The following CADM2 variants were observed in gnomAD, a reference collection of about 807,000 sequenced individuals.
CADM2 encodes cell adhesion molecule 2, also known as immunoglobulin superfamily member 4D.
CADM2 carries 12 observed loss-of-function variants against 49.8 expected under a neutral mutation model. The ratio of observed to expected loss-of-function variants is 0.24; its 90% confidence interval spans 0.15 to 0.39. CADM2 has a LOEUF of 0.39. CADM2 is among the 10% of genes least tolerant of loss of function. The pLI, the probability that CADM2 is intolerant of heterozygous loss-of-function variation, is 1.00. For synonymous variants in CADM2, 214 were observed against 175.4 expected (o/e 1.22, Z -1.74); for missense variants, 378 against 492.3 (o/e 0.77, Z 2.20).
chr3:85,084,092 C>T (rs1167731868), intron 1 of CADM2, among the ~76,000 whole-genome samples: 1 of 152,124 alleles, frequency 6.6e-6, no homozygotes, highest in African/African-American at 2.4e-5. Flanking sequence ...TGAAAGGCAT[C>T]GCTCCTTCTG....
At chr3:85,436,445 T>C (rs1015417198) in intron 1 of CADM2, among the ~76,000 whole-genome samples, 1 of 151,918 alleles carries the variant, frequency 6.6e-6, no homozygotes, top group Admixed American at 6.6e-5. Flanking sequence ...CCTGAAATAC[T>C]CTGTTGAATA....
intron 1 of CADM2, among the ~76,000 whole-genome samples, chr3:85,447,741 T>C (rs1373100914): frequency 2.0e-5 from 3 of 152,192 alleles, no homozygotes; most frequent in African/African-American, 7.2e-5. Flanking sequence ...GAAACATTTC[T>C]GATTCAGAAG....
At chr3:85,329,388 C>CACAT (rs2044847317) in intron 1 of CADM2, among the ~76,000 whole-genome samples, 2 of 133,522 alleles carry the variant, frequency 1.5e-5, no homozygotes, top group African/African-American at 6.7e-5. Flanking sequence ...CATACACACA[C>CACAT]ACAGACACAC....
chr3:86,059,744 C>T (rs1738393954), intron 8 of CADM2, among the ~76,000 whole-genome samples: 1 of 152,056 alleles, frequency 6.6e-6, no homozygotes, highest in African/African-American at 2.4e-5. Context: ...GAGAAATTGC[C>T]ATTGAAATTT....
chr3:85,288,784 G>GGCC (rs2043698717), intron 1 of CADM2, among the ~76,000 whole-genome samples: 2 of 88,200 alleles, frequency 2.3e-5, no homozygotes, highest in South Asian at 4.1e-4. Context: ...TTACCAATAT[G>GGCC]CCCCCCCCCC....
At chr3:85,692,478 G>C (rs1057361395) in intron 1 of CADM2, among the ~76,000 whole-genome samples, 1 of 152,196 alleles carries the variant, frequency 6.6e-6, no homozygotes, top group Non-Finnish European at 1.5e-5. Flanking sequence ...GTGTCATGTA[G>C]CTAGGTGAAG....
chr3:85,332,183 G>C (rs774078663), intron 1 of CADM2, among the ~76,000 whole-genome samples: 41 of 152,066 alleles, frequency 2.7e-4, no homozygotes, highest in Non-Finnish European at 5.1e-4. Context: ...TGCTTTCTCA[G>C]AAAATAATAA....
intron 1 of CADM2, among the ~76,000 whole-genome samples, chr3:85,681,306 C>T (rs2107657374): frequency 6.6e-6 from 1 of 152,174 alleles, no homozygotes; most frequent in East Asian, 1.9e-4. Context: ...ATTAGGCATG[C>T]TGATTACATT....
At chr3:85,126,105 A>T in intron 1 of CADM2, among the ~76,000 whole-genome samples, 1 of 152,194 alleles carries the variant, frequency 6.6e-6, no homozygotes, top group East Asian at 1.9e-4. Context: ...TTTGAGCAGC[A>T]TTTAATACTG....
At chr3:85,893,791 A>G (rs557074182) in intron 5 of CADM2, among the ~76,000 whole-genome samples, 1 of 152,308 alleles carries the variant, frequency 6.6e-6, no homozygotes, top group South Asian at 2.1e-4. Context: ...TCAAAACCAC[A>G]ATGAGATACC....
At chr3:85,877,684 G>GTTTTTTTTTTTTTTTTTTTTGT (rs368101272) in intron 3 of CADM2, among the ~76,000 whole-genome samples, 10 of 112,024 alleles carry the variant, frequency 8.9e-5, no homozygotes, top group Non-Finnish European at 1.6e-4. Context: ...TTTTTCTTCT[G>GTTTTTTTTTTTTTTTTTTTTGT]TTTTTTTTTT....
intron 3 of CADM2, among the ~76,000 whole-genome samples, chr3:85,858,644 T>A (rs1423386658): frequency 1.3e-5 from 2 of 152,224 alleles, no homozygotes; most frequent in Admixed American, 1.3e-4. Flanking sequence ...ACTACTCCTC[T>A]ATTACCTGAA....
chr3:85,296,044 C>T (rs574469286), intron 1 of CADM2, among the ~76,000 whole-genome samples: 195 of 151,948 alleles, frequency 1.3e-3, no homozygotes, highest in African/African-American at 4.2e-3. Flanking sequence ...AGTATGAAAT[C>T]TTGTATAAAT....
chr3:85,705,652 T>G (rs760335303), intron 1 of CADM2, among the ~76,000 whole-genome samples: 2 of 152,226 alleles, frequency 1.3e-5, no homozygotes, highest in Non-Finnish European at 2.9e-5. Flanking sequence ...TCATTATGTA[T>G]TTTCCTGAAC....
intron 1 of CADM2, among the ~76,000 whole-genome samples, chr3:85,245,279 G>A (rs112928132): frequency 0.066 from 10,080 of 152,148 alleles, 1,103 homozygotes; most frequent in African/African-American, 0.23. Flanking sequence ...TTGGGAGGCC[G>A]AGGCGGGCGG....
chr3:85,757,675 A>C (rs972145391), intron 2 of CADM2, among the ~76,000 whole-genome samples: 1 of 152,152 alleles, frequency 6.6e-6, no homozygotes, highest in Non-Finnish European at 1.5e-5. Flanking sequence ...GTTGAGAAGA[A>C]ACATAGTATT....
chr3:85,747,262 T>C (rs910401001), intron 2 of CADM2, among the ~76,000 whole-genome samples: 1 of 152,112 alleles, frequency 6.6e-6, no homozygotes, highest in Admixed American at 6.6e-5. Flanking sequence ...CTATGAAGCT[T>C]CCATCTTACG....
At chr3:85,552,200 T>C (rs2061820972) in intron 1 of CADM2, among the ~76,000 whole-genome samples, 1 of 152,112 alleles carries the variant, frequency 6.6e-6, no homozygotes. Flanking sequence ...GAAGCCTAAA[T>C]ATGATAATTG....
intron 3 of CADM2, among the ~76,000 whole-genome samples, chr3:85,847,964 A>G (rs978254496): frequency 6.6e-6 from 1 of 152,170 alleles, no homozygotes; most frequent in African/African-American, 2.4e-5. Flanking sequence ...GTTATTTGAT[A>G]AAAATAAATC....
Sources: allele counts gnomAD v4.1 joint callset (sites outside exome capture counted in the v4.1 genomes callset), GRCh38; gene constraint gnomAD v4.1.1; transcripts MANE v1.5; gene names NCBI Gene and HGNC (gene_info 2026-07-23, HGNC 2026-07-21).